Variants in ATR observed in about 807,000 individuals in gnomAD.
The protein encoded by ATR is ATR checkpoint kinase.
A neutral mutation model predicts 305.3 loss-of-function variants in ATR; 142 were observed. That is an observed-to-expected ratio of 0.47 (90% CI 0.41 to 0.53). The LOEUF is 0.53. Ranked by LOEUF, ATR falls within the 20% of genes least tolerant of loss-of-function variation. ATR has a pLI of 0.00. For synonymous variants in ATR, 1,050 were observed against 1,068.1 expected, an observed-to-expected ratio of 0.98 and a Z score of 0.33; for missense variants, 2,135 against 3,133.1, an observed-to-expected ratio of 0.68 and a Z score of 7.60.
At chr3:142,510,053 T>C (rs1577598472) in intron 27 of ATR, among the ~76,000 whole-genome samples, 1 of 148,558 alleles carries the variant, frequency 6.7e-6, no homozygotes. Flanking sequence ...GAGGTGGAGG[T>C]TGCAGTGAGC....
intron 18 of ATR, among the ~76,000 whole-genome samples, chr3:142,540,642 C>T (rs770250694): frequency 3.3e-5 from 5 of 151,992 alleles, no homozygotes; most frequent in Non-Finnish European, 7.4e-5. Context: ...TTAAAAAAAA[C>T]TAGCAATGTT....
intron 35 of ATR, among the ~76,000 whole-genome samples, chr3:142,486,959 C>CAAA (rs60024459): frequency 1.3e-3 from 92 of 69,666 alleles, no homozygotes; most frequent in South Asian, 1.9e-3. Flanking sequence ...ACTAAAAATA[C>CAAA]AAAAAAAAAA....
At chr3:142,525,916 A>G (rs2033371558) in intron 21 of ATR, among the ~76,000 whole-genome samples, 1 of 152,214 alleles carries the variant, frequency 6.6e-6, no homozygotes, top group African/African-American at 2.4e-5. Flanking sequence ...AGCCAAATAA[A>G]CCTCTTCTTT....
intron 1 of ATR, among the ~76,000 whole-genome samples, chr3:142,576,784 G>C (rs187766258): frequency 3.9e-5 from 6 of 152,266 alleles, no homozygotes; most frequent in Non-Finnish European, 5.9e-5. Flanking sequence ...GAAGGCAGGA[G>C]AGTGGAAAGG....
At chr3:142,549,729 T>C (rs2034406802) in intron 14 of ATR, 56 bp from the exon 15 acceptor site, 2 of 1,531,638 alleles carry the variant, frequency 1.3e-6, no homozygotes, top group Non-Finnish European at 1.8e-6. Context: ...GAAAAAAATA[T>C]TCACATAAGC....
intron 28 of ATR, among the ~76,000 whole-genome samples, chr3:142,506,522 A>T (rs2032245450): frequency 6.6e-6 from 1 of 152,050 alleles, no homozygotes; most frequent in African/African-American, 2.4e-5. Context: ...CCCCGTCTCT[A>T]CAAAAAATAC....
chr3:142,461,617 A>C (rs535636865), intron 42 of ATR, among the ~76,000 whole-genome samples: 1 of 152,254 alleles, frequency 6.6e-6, no homozygotes, highest in South Asian at 2.1e-4. Flanking sequence ...ATATTTACTT[A>C]CTTGCTGAAG....
chr3:142,540,263 C>T (rs1426511375), intron 18 of ATR, among the ~76,000 whole-genome samples: 1 of 152,138 alleles, frequency 6.6e-6, no homozygotes, highest in Non-Finnish European at 1.5e-5. Flanking sequence ...ACAAGAGACA[C>T]TTAAGGAGCC....
Position 142,515,395 on chromosome 3 carries a change from CTTTGTAA to C in ATR, c.4496_4502del (p.Ile1499ArgfsTer17), listed in dbSNP as rs749250556. 6.2e-7 allele frequency: 1 copy of C among 1,613,660 alleles called. No homozygotes were observed. The highest frequency in any genetic ancestry group is 2.2e-5 in the East Asian group (1 of 44,794). On this transcript the variant is annotated frameshift_variant and splice_region_variant, in exon 25 of 47. Transcript: ENST00000350721. LOFTEE classifies it high-confidence loss of function. ...TAACAAACTGAACAGGGTTTCTTACCTTTGTAATAAGATAACCTGCCCAAGATGCTGA... is the reference window on the plus strand; with the variant it reads ...TAACAAACTGAACAGGGTTTCTTACCTAAGATAACCTGCCCAAGATGCTGA...
At chr3:142,453,350 A>T in intron 45 of ATR, 117 bp from the exon 46 acceptor site, 1 of 1,253,360 alleles carries the variant, frequency 8.0e-7, no homozygotes. Flanking sequence ...AATACACATT[A>T]CTACGTCTTC....
intron 1 of ATR, among the ~76,000 whole-genome samples, chr3:142,576,032 G>C (rs1228871826): frequency 6.6e-6 from 1 of 152,176 alleles, no homozygotes; most frequent in Non-Finnish European, 1.5e-5. Context: ...TCTATTATAA[G>C]TAGGTAAAAG....
At chr3:142,557,438 T>C (rs2034712887) in intron 8 of ATR, among the ~76,000 whole-genome samples, 1 of 152,060 alleles carries the variant, frequency 6.6e-6, no homozygotes, top group African/African-American at 2.4e-5. Context: ...AAAACTAGAG[T>C]TACCCATATC....
chr3:142,538,691 A>T (rs2033947057), intron 18 of ATR, 66 bp from the exon 19 acceptor site: 1 of 1,583,794 alleles, frequency 6.3e-7, no homozygotes, highest in Non-Finnish European at 8.6e-7. Context: ...TCTATCAATC[A>T]GTAATTAGTT....
rs139173669 is a variant in ATR at position 142,547,841 on chromosome 3, G to A, written c.3241C>T (p.Leu1081=). 68 of 1,613,748 alleles carry A rather than the reference G, an allele frequency of 4.2e-5. No homozygotes were observed. The African/African-American group carries it at 8.3e-4, about 20-fold the overall frequency. The stretch of plus-strand genomic sequence containing the variant: ...TGTTGATAGTGTTCTCCAATACGCA[G>A]CAATAATTCATTATGCAATCCTTGG... The part of the protein sequence containing the change: ...DFQGLHNELL[L]RIGEHYQQVF... Residue 1081 remains leucine, a synonymous_variant, in exon 16 of 47, where the codon CTG becomes TTG. Transcript: ENST00000350721.
At chr3:142,523,369 A>G (rs2033235630) in intron 22 of ATR, among the ~76,000 whole-genome samples, 1 of 152,078 alleles carries the variant, frequency 6.6e-6, no homozygotes, top group Non-Finnish European at 1.5e-5. Context: ...GCAGTAAGCC[A>G]AGATCGCACC....
chr3:142,547,547 C>T (rs1263190938), intron 16 of ATR, among the ~76,000 whole-genome samples, 178 bp downstream of exon 16: 1 of 152,146 alleles, frequency 6.6e-6, no homozygotes, highest in African/African-American at 2.4e-5. Flanking sequence ...TGTTCATGAT[C>T]TTGTGCATGT....
Position 142,553,404 on chromosome 3 carries a change from A to G in ATR, c.2634-6T>C. On this transcript the variant is annotated splice_polypyrimidine_tract_variant and splice_region_variant and intron_variant, in intron 12 of 46. Transcript: ENST00000350721. ...CCAAATCTCCTTTTGCGGCCCTAAA[A>G]TTAAAAACAACATACATATGAATAC... The G allele has an allele frequency of 6.2e-7, 1 of 1,612,162 alleles. No individual in the cohort carries two copies. The highest frequency in any genetic ancestry group is 8.5e-7 in the Non-Finnish European group (1 of 1,178,818).
intron 27 of ATR, among the ~76,000 whole-genome samples, chr3:142,510,046 G>A (rs1417265542): frequency 2.7e-5 from 4 of 150,196 alleles, no homozygotes; most frequent in South Asian, 2.1e-4. Flanking sequence ...AGCCTGGGAG[G>A]TGGAGGTTGC....
intron 22 of ATR, among the ~76,000 whole-genome samples, chr3:142,523,096 C>A (rs937494111): frequency 6.6e-6 from 1 of 152,136 alleles, no homozygotes; most frequent in Admixed American, 6.6e-5. Context: ...ATATCTCTGA[C>A]AATTTGCATT....
Sources: allele counts gnomAD v4.1 joint callset (sites outside exome capture counted in the v4.1 genomes callset), GRCh38; gene constraint gnomAD v4.1.1; transcripts MANE v1.5; gene names NCBI Gene and HGNC (gene_info 2026-07-23, HGNC 2026-07-21).